The following IGSF21 variants were observed in gnomAD, a reference collection of about 807,000 sequenced individuals.
The protein encoded by IGSF21 is immunoglobin superfamily member 21.
IGSF21 carries 28 observed loss-of-function variants against 46.8 expected under a neutral mutation model. That is an observed-to-expected ratio of 0.60 (90% CI 0.44 to 0.82). The LOEUF (loss-of-function observed/expected upper bound fraction) is 0.82, where lower values mean the gene tolerates loss of function less well. Among genes scored for constraint, IGSF21 ranks in the 40% least tolerant of loss-of-function variants. The probability of loss-of-function intolerance (pLI) is 0.00; values close to 1 mark genes in which losing one functional copy is unlikely to be tolerated. For synonymous variants in IGSF21, 284 were observed against 273.6 expected, an observed-to-expected ratio of 1.04 and a Z score of -0.38; for missense variants, 624 against 665.5, an observed-to-expected ratio of 0.94 and a Z score of 0.69.
At chr1:18,125,361 C>G (rs1441883413) in intron 1 of IGSF21, among the ~76,000 whole-genome samples, 1 of 152,184 alleles carries the variant, frequency 6.6e-6, no homozygotes, top group Non-Finnish European at 1.5e-5. Context: ...CTCTTCATGT[C>G]CCCTGAGTCT....
In IGSF21 at chr1:18,142,928, G is replaced by C. The variant is rs1267754510; in HGVS notation, c.70+34730G>C. Among the ~76,000 whole-genome samples the C allele has an allele frequency of 3.3e-5, 5 of 152,204 alleles. No individual in the cohort carries two copies. In the East Asian group the frequency reaches 9.7e-4, roughly 29 times the overall value. On this transcript the variant is annotated intron_variant, in intron 1 of 9. Coordinates refer to ENST00000251296, the MANE Select transcript of IGSF21 (RefSeq NM_032880.5). ...CAGCTGAAGGGTCCAATCATGACCTGAGTGTTTGGATGGGGAACCAGAGGC... is the reference window on the plus strand; with the variant it reads ...CAGCTGAAGGGTCCAATCATGACCTCAGTGTTTGGATGGGGAACCAGAGGC...
rs548346047 is a variant in IGSF21, at chr1:18,278,535, G to T, written c.184-13331G>T. Among the ~76,000 whole-genome samples, 556 of 113,188 alleles carry T rather than the reference G, an allele frequency of 4.9e-3. 1 individual carries two copies. The highest frequency in any genetic ancestry group is 0.012 in the East Asian group (53 of 4,422). The allele number at this position is 113,188 out of a possible 152,430, so 74.3% of individuals were successfully genotyped here. The stretch of plus-strand genomic sequence containing the variant: ...GGATTACAGGTGTAAGGTTTTTTTT[G>T]TTTGTTTGTTTGTTTGTTTGTTTGT... On this transcript the variant is annotated intron_variant, in intron 2 of 9. Transcript: ENST00000251296.
At chr1:18,128,458 G>C (rs2086291413) in intron 1 of IGSF21, among the ~76,000 whole-genome samples, 1 of 152,162 alleles carries the variant, frequency 6.6e-6, no homozygotes, top group Non-Finnish European at 1.5e-5. Flanking sequence ...TCCTTCCCTG[G>C]ATGGGGCCTT....
chr1:18,145,536 G>A (rs2086457562), intron 1 of IGSF21, among the ~76,000 whole-genome samples: 2 of 152,180 alleles, frequency 1.3e-5, no homozygotes, highest in Non-Finnish European at 2.9e-5. Context: ...GGGACAGAGG[G>A]ATGGGCAGGC....
chr1:18,238,473 ATCACTGT>A (rs1335444002), intron 2 of IGSF21, among the ~76,000 whole-genome samples: 1 of 152,216 alleles, frequency 6.6e-6, no homozygotes, highest in Non-Finnish European at 1.5e-5. Context: ...TTGGCCACAC[ATCACTGT>A]TCTCCCTGGC....
intron 3 of IGSF21, among the ~76,000 whole-genome samples, chr1:18,309,954 G>A (rs1247475965): frequency 6.6e-6 from 1 of 152,188 alleles, no homozygotes; most frequent in African/African-American, 2.4e-5. Flanking sequence ...GCCCTGGGGG[G>A]TGCATGGAGG....
At chr1:18,145,223 C>T (rs971672382) in intron 1 of IGSF21, among the ~76,000 whole-genome samples, 4 of 151,784 alleles carry the variant, frequency 2.6e-5, no homozygotes, top group South Asian at 2.1e-4. Flanking sequence ...AAGTTATCCT[C>T]GGAGTCATTT....
At chr1:18,125,084 G>A in intron 1 of IGSF21, among the ~76,000 whole-genome samples, 1 of 152,124 alleles carries the variant, frequency 6.6e-6, no homozygotes, top group East Asian at 1.9e-4. Context: ...TGCCATCTGA[G>A]GGACTCACTG....
At chr1:18,294,721 G>T (rs1310700790) in intron 3 of IGSF21, among the ~76,000 whole-genome samples, 1 of 152,250 alleles carries the variant, frequency 6.6e-6, no homozygotes, top group Non-Finnish European at 1.5e-5. Flanking sequence ...CCCAAGCAAA[G>T]AACACCCCAG....
intron 2 of IGSF21, among the ~76,000 whole-genome samples, chr1:18,246,301 G>C (rs926485941): frequency 9.9e-5 from 15 of 152,014 alleles, no homozygotes; most frequent in African/African-American, 3.4e-4. Flanking sequence ...CATGACTCTT[G>C]CTGCCTCAGG....
chr1:18,163,521 T>C (rs917587907), intron 1 of IGSF21, among the ~76,000 whole-genome samples: 4 of 152,162 alleles, frequency 2.6e-5, no homozygotes, highest in African/African-American at 9.7e-5. Context: ...TTAGAGCAGA[T>C]CCCCAAGGCT....
At chr1:18,132,457 T>C (rs753080643) in intron 1 of IGSF21, among the ~76,000 whole-genome samples, 1 of 152,154 alleles carries the variant, frequency 6.6e-6, no homozygotes, top group Admixed American at 6.5e-5. Flanking sequence ...AGAAGACCTT[T>C]GGAAAGGTCA....
At chr1:18,112,581 G>A (rs1056729821) in intron 1 of IGSF21, 6 of 152,246 alleles carry the variant, frequency 3.9e-5, no homozygotes, top group African/African-American at 1.2e-4. Context: ...TGAATGGCAA[G>A]CAGGAATTCA....
chr1:18,372,582 A>G (rs1326901876), intron 6 of IGSF21, among the ~76,000 whole-genome samples: 1 of 145,556 alleles, frequency 6.9e-6, no homozygotes, highest in Admixed American at 6.8e-5. Flanking sequence ...GGATATTTGG[A>G]TGGATGTTTG....
At chr1:18,132,634 A>G (rs1477345216) in intron 1 of IGSF21, among the ~76,000 whole-genome samples, 1 of 152,082 alleles carries the variant, frequency 6.6e-6, no homozygotes, top group Non-Finnish European at 1.5e-5. Flanking sequence ...GCAAGGAGGG[A>G]GGGAAGCCCC....
chr1:18,227,537 C>G (rs2084580707), intron 1 of IGSF21, among the ~76,000 whole-genome samples: 1 of 151,772 alleles, frequency 6.6e-6, no homozygotes, highest in Non-Finnish European at 1.5e-5. Context: ...GGCACAGAAG[C>G]CTTCTCTGGG....
chr1:18,321,988 G>A (rs2085606905), intron 3 of IGSF21, among the ~76,000 whole-genome samples: 1 of 152,176 alleles, frequency 6.6e-6, no homozygotes, highest in African/African-American at 2.4e-5. Context: ...TTACAGATGG[G>A]GAAACTGAGG....
At position 18,377,384 on chromosome 1, in the gene IGSF21, T is replaced by C. The variant is rs1253751182; in HGVS notation, c.1295-9T>C. ...ACCCTTTGGTTCTCTTTCTGTTTCT[T>C]TCCAACAGAAAACCCAAATATCCCA... On this transcript the variant is annotated splice_polypyrimidine_tract_variant and intron_variant, in intron 8 of 9. Coordinates refer to ENST00000251296, the MANE Select transcript of IGSF21 (RefSeq NM_032880.5). 2 of 1,612,502 alleles carry C rather than the reference T, an allele frequency of 1.2e-6. No individual in the cohort carries two copies. The highest frequency in any genetic ancestry group is 8.5e-7 in the Non-Finnish European group (1 of 1,178,478).
At chr1:18,376,729 C>A in intron 7 of IGSF21, 71 bp from the exon 8 acceptor site, 1 of 1,439,914 alleles carries the variant, frequency 6.9e-7, no homozygotes, top group Non-Finnish European at 9.5e-7. Flanking sequence ...GGCCAGGCAG[C>A]CCCTGACCCC....
Sources: gnomAD v4.1 joint callset for allele counts (sites outside exome capture counted in the v4.1 genomes callset) on GRCh38, gnomAD v4.1.1 for gene constraint, MANE v1.5 for transcripts, NCBI Gene and HGNC (gene_info 2026-07-23, HGNC 2026-07-21) for gene names.